ADAM30: variants seen among roughly 807,000 people sequenced by gnomAD.
The protein encoded by ADAM30 is ADAM metallopeptidase domain 30.
For missense variants in ADAM30, 960 were observed against 959.4 expected (o/e 1.00, Z -0.01); for synonymous variants, 382 against 340.9 (o/e 1.12, Z -1.33).
Position 119,894,285 on chromosome 1 carries a change from C to T in ADAM30, c.2052G>A (p.Ser684=), listed in dbSNP as rs202000201. ...PPGLLRGAIP[S]SIWVVSIIMF... ...TTATGATGGACACAACCCAAATTGA[C>T]GAGGGAATCGCCCCTCTGAGCAGTC... The change falls in exon 1 of 1, where the codon TCG becomes TCA. Residue 684 remains serine, a synonymous_variant. Coordinates refer to ENST00000369400, the MANE Select transcript of ADAM30 (RefSeq NM_021794.4). 5.7e-5 allele frequency: 92 copies of T among 1,614,050 alleles called. No homozygotes were observed. Among genetic ancestry groups the T allele is most frequent in the Middle Eastern group, 4.9e-4 (3 of 6,084 alleles).
rs1246578346 is a variant in ADAM30, at chr1:119,894,162, T to C, written c.2175A>G (p.Leu725=). The change falls in exon 1 of 1, where the codon CTA becomes CTG. Residue 725 remains leucine (L), a synonymous_variant. Coordinates refer to ENST00000369400, the MANE Select transcript of ADAM30 (RefSeq NM_021794.4). Reference sequence around the variant, plus strand: ...CTTCCTGTTCAGTTTTTGCTTTGGATAGTGGCATTTTTTCCTGTTTGGGTT... The same window carrying C: ...CTTCCTGTTCAGTTTTTGCTTTGGACAGTGGCATTTTTTCCTGTTTGGGTT... ...HLKPKQEKMP[L]SKAKTEQEES... is the part of the protein sequence containing the mutation. The C allele has an allele frequency of 6.2e-7, 1 of 1,613,570 alleles. No individual in the cohort carries two copies. The highest frequency in any genetic ancestry group is 8.5e-7 in the Non-Finnish European group (1 of 1,179,924).
chr1:119,894,315 A>G lies in ADAM30; in HGVS notation c.2022T>C (p.Pro674=). Residue 674 remains proline, a synonymous_variant, in exon 1 of 1, where the codon CCT becomes CCC. Transcript: ENST00000369400. ...VGYGGSIDSG[P]PGLLRGAIPS... The stretch of plus-strand genomic sequence containing the variant: ...GAATCGCCCCTCTGAGCAGTCCTGG[A>G]GGCCCACTGTCAATGCTTCCTCCAT... The G allele has an allele frequency of 6.2e-7, 1 of 1,614,172 alleles. No individual in the cohort carries two copies. The highest frequency in any genetic ancestry group is 1.1e-5 in the South Asian group (1 of 91,076).
At position 119,894,629 on chromosome 1, in the gene ADAM30, C is replaced by A. The variant is rs1648524870; in HGVS notation, c.1708G>T (p.Glu570Ter). Residue 570 changes from glutamate (E) to a stop codon, truncating the protein, a stop_gained, in exon 1 of 1, where the codon GAG becomes TAG. Transcript: ENST00000369400. LOFTEE classifies it low-confidence loss of function (END_TRUNC). The part of the protein sequence containing the change: ...INVETIPDLP[E>*]HTTIISTHLQ... ...TGAGTAGAAATTATAGTCGTATGCT[C>A]TGGCAAATCAGGGATGGTTTCAACA... 6.2e-7 allele frequency: 1 copy of A among 1,614,120 alleles called. No individual in the cohort carries two copies. Among genetic ancestry groups the A allele is most frequent in the Non-Finnish European group, 8.5e-7 (1 of 1,180,034 alleles).
chr1:119,896,255 C>T lies in ADAM30; in HGVS notation c.82G>A (p.Glu28Lys). The change falls in exon 1 of 1, where the codon GAA (glutamate) becomes AAA (lysine). Residue 28 changes from glutamate (E) to lysine (K), a missense_variant. Glu to Lys is a moderately conservative substitution (Grantham distance 56, BLOSUM62 1). Coordinates refer to ENST00000369400, the MANE Select transcript of ADAM30 (RefSeq NM_021794.4). ...CCTTCAGGGTGAAAAATTACATCTT[C>T]GCCAAGAGACTTAAGGAGCATTGTC... is the stretch of plus-strand genomic sequence containing the variant. ...VPTMLLKSLG[E>K]DVIFHPEGEF... 1.9e-6 allele frequency: 3 copies of T among 1,613,636 alleles called. No homozygotes were observed. Among genetic ancestry groups the T allele is most frequent in the African/African-American group, 2.7e-5 (2 of 75,038 alleles).
Position 119,894,162 on chromosome 1 carries a change from T to G in ADAM30, c.2175A>C (p.Leu725=). The G allele has an allele frequency of 6.2e-7, 1 of 1,613,570 alleles. No individual in the cohort carries two copies. Among genetic ancestry groups the G allele is most frequent in the Non-Finnish European group, 8.5e-7 (1 of 1,179,924 alleles). Residue 725 remains leucine (L), a synonymous_variant, in exon 1 of 1, where the codon CTA becomes CTC. Transcript: ENST00000369400. ...CTTCCTGTTCAGTTTTTGCTTTGGA[T>G]AGTGGCATTTTTTCCTGTTTGGGTT... The part of the protein sequence containing the change: ...HLKPKQEKMP[L]SKAKTEQEES...
Position 119,895,375 on chromosome 1 carries a change from A to G in ADAM30, c.962T>C (p.Val321Ala), listed in dbSNP as rs766145128. Residue 321 changes from valine (V) to alanine (A), a missense_variant, in exon 1 of 1, where the codon GTG (valine) becomes GCG (alanine). Transcript: ENST00000369400. Reference protein sequence around the residue: ...KVCSLEYAGSVSTLLDTNILA... With the variant: ...KVCSLEYAGSASTLLDTNILA... ...GATATTTGTATCTAGTAAAGTACTC[A>G]CTGATCCAGCATATTCTAGAGAACA... The G allele has an allele frequency of 2.5e-6, 4 of 1,614,142 alleles. No homozygotes were observed. The highest frequency in any genetic ancestry group is 3.4e-6 in the Non-Finnish European group (4 of 1,180,024).
chr1:119,895,825 ACC>A lies in ADAM30; in HGVS notation c.510_511del (p.Gln170HisfsTer6). ...TATTTCATCATCACTTAAGCCACAAACCTGATTCCCAAACTGCTCTTTCTTCA... is the reference window on the plus strand; with the variant it reads ...TATTTCATCATCACTTAAGCCACAAATGATTCCCAAACTGCTCTTTCTTCA... On this transcript the variant is annotated frameshift_variant, in exon 1 of 1. Transcript: ENST00000369400. LOFTEE classifies it low-confidence loss of function (END_TRUNC). 6.2e-7 allele frequency: 1 copy of A among 1,614,104 alleles called. No homozygotes were observed. Among genetic ancestry groups the A allele is most frequent in the Non-Finnish European group, 8.5e-7 (1 of 1,180,022 alleles).
In ADAM30 at chr1:119,895,491, A is replaced by G. The variant is rs1202721643; in HGVS notation, c.846T>C (p.Ser282=). The change falls in exon 1 of 1, where the codon AGT becomes AGC. Residue 282 remains serine, a synonymous_variant. Transcript: ENST00000369400. ...VLGRFVIYKK[S]VLNARLSSDW... is the part of the protein sequence containing the mutation. ...CTGATGACAGGCGAGCATTTAATAC[A>G]CTTTTTTTATATATTACAAATCTGC... 5.6e-6 allele frequency: 9 copies of G among 1,613,702 alleles called. No individual in the cohort carries two copies. The highest frequency in any genetic ancestry group is 1.1e-5 in the South Asian group (1 of 91,062).
rs1648571434 is a variant in ADAM30 at position 119,895,916 on chromosome 1, C to T, written c.421G>A (p.Ala141Thr). ...AGGGGCTCAATTTGGTAATGTTTGG[C>T]ATCAATGTTAAATACACCTCGGAGA... ...GGLRGVFNID[A>T]KHYQIEPLKA... The change falls in exon 1 of 1, where the codon GCC becomes ACC. Residue 141 changes from alanine (A) to threonine (T), a missense_variant. Coordinates refer to ENST00000369400, the MANE Select transcript of ADAM30 (RefSeq NM_021794.4). 6.2e-7 allele frequency: 1 copy of T among 1,613,948 alleles called. No individual in the cohort carries two copies. Among genetic ancestry groups the T allele is most frequent in the South Asian group, 1.1e-5 (1 of 91,068 alleles).
chr1:119,894,220 A>G lies in ADAM30; in HGVS notation c.2117T>C (p.Val706Ala), dbSNP rs1214679795. 6.2e-7 allele frequency: 1 copy of G among 1,613,860 alleles called. No homozygotes were observed. Residue 706 changes from valine to alanine, a missense_variant, in exon 1 of 1, where the codon GTG (valine) becomes GCG (alanine). Coordinates refer to ENST00000369400, the MANE Select transcript of ADAM30 (RefSeq NM_021794.4). Reference sequence around the variant, plus strand: ...GTTTCCTATCACTTGCCGGAAAAACACAAAAACCACTGAAAGGATTAATAA... The same window carrying G: ...GTTTCCTATCACTTGCCGGAAAAACGCAAAAACCACTGAAAGGATTAATAA... ...LILLILSVVFVFFRQVIGNHL... is the reference protein window; with the variant it reads ...LILLILSVVFAFFRQVIGNHL...
rs200920539 is a variant in ADAM30 at position 119,894,281 on chromosome 1, T to C, written c.2056A>G (p.Ile686Val). The C allele has an allele frequency of 1.1e-5, 17 of 1,614,048 alleles. No homozygotes were observed. Among genetic ancestry groups the C allele is most frequent in the South Asian group, 3.3e-5 (3 of 91,088 alleles). Residue 686 changes from isoleucine (I) to valine (V), a missense_variant, in exon 1 of 1, where the codon ATT (isoleucine) becomes GTT (valine). Physicochemically the swap from Ile to Val is conservative, Grantham distance 29. Transcript: ENST00000369400. Reference sequence around the variant, plus strand: ...AACATTATGATGGACACAACCCAAATTGACGAGGGAATCGCCCCTCTGAGC... The same window carrying C: ...AACATTATGATGGACACAACCCAAACTGACGAGGGAATCGCCCCTCTGAGC... ...GLLRGAIPSS[I>V]WVVSIIMFRL...
In ADAM30 at chr1:119,896,185, A is replaced by C. The variant is rs1648585314; in HGVS notation, c.152T>G (p.Phe51Cys). Residue 51 changes from phenylalanine (F) to cysteine (C), a missense_variant, in exon 1 of 1, where the codon TTC (phenylalanine) becomes TGC (cysteine). By Grantham distance (205) the Phe-to-Cys change is radical (BLOSUM62 -2). Transcript: ENST00000369400. ...GACCACACCCTGCACCTCTCCCCGG[A>C]AGCTCAGCTTCTCAGGAATGGTGAC... Reference protein sequence around the residue: ...YEVTIPEKLSFRGEVQGVVSP... With the variant: ...YEVTIPEKLSCRGEVQGVVSP... The C allele has an allele frequency of 6.2e-7, 1 of 1,614,044 alleles. No homozygotes were observed. The highest frequency in any genetic ancestry group is 1.7e-5 in the Admixed American group (1 of 60,000).
chr1:119,895,324 T>G lies in ADAM30; in HGVS notation c.1013A>C (p.His338Pro). Residue 338 changes from histidine (H) to proline (P), a missense_variant, in exon 1 of 1, where the codon CAT (histidine) becomes CCT (proline). Transcript: ENST00000369400. ...NILAPATWSA[H>P]ELGHAVGMSH... ...CATTCCTACAGCATGACCCAGCTCA[T>G]GAGCAGACCAGGTAGCAGGGGCAAG... 6.2e-7 allele frequency: 1 copy of G among 1,614,124 alleles called. No homozygotes were observed. The highest frequency in any genetic ancestry group is 8.5e-7 in the Non-Finnish European group (1 of 1,180,030).
chr1:119,893,948 A>AT lies in ADAM30; in HGVS notation c.*15_*16insA. ...ATAAATGAGCCTGTGTTACTGAATG[A>AT]GTATGGATTGCCCGGTTACTTTTTT... On this transcript the variant is annotated 3_prime_UTR_variant, in exon 1 of 1. Transcript: ENST00000369400. 6.3e-7 allele frequency: 1 copy of AT among 1,598,948 alleles called. No individual in the cohort carries two copies. The highest frequency in any genetic ancestry group is 8.5e-7 in the Non-Finnish European group (1 of 1,175,556).
Position 119,895,987 on chromosome 1 carries a change from T to A in ADAM30, c.350A>T (p.Lys117Ile). 1 of 1,614,160 alleles carries A rather than the reference T, an allele frequency of 6.2e-7. No individual in the cohort carries two copies. Among genetic ancestry groups the A allele is most frequent in the Non-Finnish European group, 8.5e-7 (1 of 1,180,028 alleles). ...PKDCNYMGSVKESLDSKATIS... is the reference protein window; with the variant it reads ...PKDCNYMGSVIESLDSKATIS... ...AGTAGCTTTAGAGTCCAGAGACTCTTTCACGGAGCCCATGTAGTTGCAGTC... is the reference window on the plus strand; with the variant it reads ...AGTAGCTTTAGAGTCCAGAGACTCTATCACGGAGCCCATGTAGTTGCAGTC... The change falls in exon 1 of 1, where the codon AAA (lysine) becomes ATA (isoleucine). Residue 117 changes from lysine (K) to isoleucine (I), a missense_variant. Transcript: ENST00000369400.
Position 119,896,098 on chromosome 1 carries a change from T to C in ADAM30, c.239A>G (p.Lys80Arg). ...GKKHVLHLWP[K>R]RLLLPRHLRV... is the part of the protein sequence containing the mutation. ...CAGATGTCGGGGCAACAGAAGTCTC[T>C]TGGGCCACAAATGGAGGACGTGCTT... The change falls in exon 1 of 1, where the codon AAG (lysine) becomes AGG (arginine). Residue 80 changes from lysine to arginine, a missense_variant. Transcript: ENST00000369400. 6.2e-7 allele frequency: 1 copy of C among 1,614,116 alleles called. No individual in the cohort carries two copies. The highest frequency in any genetic ancestry group is 1.1e-5 in the South Asian group (1 of 91,080).
In ADAM30 at chr1:119,895,731, T is replaced by C; in HGVS notation, c.606A>G (p.Pro202=). The C allele has an allele frequency of 6.2e-7, 1 of 1,614,104 alleles. No homozygotes were observed. Among genetic ancestry groups the C allele is most frequent in the South Asian group, 1.1e-5 (1 of 91,042 alleles). ...LRDFPGSYKH[P]KYLELILLFD... is the part of the protein sequence containing the mutation. ...AGAGTAGGATCAATTCCAAGTACTTTGGGTGTTTATAGGATCCAGGAAAGT... is the reference window on the plus strand; with the variant it reads ...AGAGTAGGATCAATTCCAAGTACTTCGGGTGTTTATAGGATCCAGGAAAGT... The change falls in exon 1 of 1, where the codon CCA becomes CCG. Residue 202 remains proline (P), a synonymous_variant. Coordinates refer to ENST00000369400, the MANE Select transcript of ADAM30 (RefSeq NM_021794.4).
Position 119,895,196 on chromosome 1 carries a change from G to A in ADAM30, c.1141C>T (p.His381Tyr), listed in dbSNP as rs1648545543. The A allele has an allele frequency of 1.2e-6, 2 of 1,614,152 alleles. No individual in the cohort carries two copies. Among genetic ancestry groups the A allele is most frequent in the Non-Finnish European group, 1.7e-6 (2 of 1,180,034 alleles). Residue 381 changes from histidine (H) to tyrosine (Y), a missense_variant, in exon 1 of 1, where the codon CAT becomes TAT. Physicochemically the swap from His to Tyr is moderately conservative, Grantham distance 83 (BLOSUM62 2). Transcript: ENST00000369400. ...SNCSYISFFKHISSGATCLNN... is the reference protein window; with the variant it reads ...SNCSYISFFKYISSGATCLNN... ...AGACATGTTGCTCCCGAAGAGATAT[G>A]TTTAAAAAAAGAGATATAACTGCAA...
chr1:119,896,348 T>A lies in ADAM30; in HGVS notation c.-12A>T. 1 of 1,532,406 alleles carries A rather than the reference T, an allele frequency of 6.5e-7. No individual in the cohort carries two copies. The highest frequency in any genetic ancestry group is 8.8e-7 in the Non-Finnish European group (1 of 1,140,130). The allele number at this position is 1,532,406 out of a possible 1,614,324, so 94.9% of individuals were successfully genotyped here. On this transcript the variant is annotated 5_prime_UTR_variant, in exon 1 of 1. Transcript: ENST00000369400. The stretch of plus-strand genomic sequence containing the variant: ...TGCACTGACCTCATGGTCTGTTCCC[T>A]ACTCAGCCTCAGTTTGCTATTCAGT...
Sources: allele counts gnomAD v4.1 joint callset, GRCh38; gene constraint gnomAD v4.1.1; transcripts MANE v1.5; gene names NCBI Gene and HGNC (gene_info 2026-07-23, HGNC 2026-07-21).